The following CCDC149 variants were observed in gnomAD, a reference collection of about 807,000 sequenced individuals.
CCDC149 encodes the protein coiled-coil domain containing 149.
In CCDC149, 45 loss-of-function variants were observed where a neutral mutation model predicts 59.9. The ratio of observed to expected loss-of-function variants is 0.75; its 90% CI spans 0.59 to 0.96. The LOEUF (loss-of-function observed/expected upper bound fraction) is 0.96, where lower values mean the gene tolerates loss of function less well. Among genes scored for constraint, CCDC149 ranks in the 40% least tolerant of loss-of-function variants. The pLI is 0.00. For synonymous variants in CCDC149, 245 were observed against 260.6 expected, an observed-to-expected ratio of 0.94 and a Z score of 0.58; for missense variants, 584 against 664.7, an observed-to-expected ratio of 0.88 and a Z score of 1.33.
At chr4:24,906,618 G>T (rs898999475) in intron 1 of CCDC149, among the ~76,000 whole-genome samples, 1 of 151,796 alleles carries the variant, frequency 6.6e-6, no homozygotes, top group African/African-American at 2.4e-5. Context: ...GGCTGGTCTT[G>T]AACTCCTGAT....
chr4:24,823,960 T>C (rs1330349877), intron 9 of CCDC149, among the ~76,000 whole-genome samples: 1 of 152,258 alleles, frequency 6.6e-6, no homozygotes, highest in Non-Finnish European at 1.5e-5. Flanking sequence ...TTCCATATTT[T>C]GCTCAGACCT....
chr4:24,876,306 C>T (rs915179396), intron 2 of CCDC149, among the ~76,000 whole-genome samples: 41 of 141,042 alleles, frequency 2.9e-4, no homozygotes, highest in Admixed American at 1.6e-3. Context: ...CACACACACA[C>T]ACACACACAC....
At chr4:24,942,631 T>G (rs143724970) in intron 1 of CCDC149, among the ~76,000 whole-genome samples, 2,277 of 152,314 alleles carry the variant, frequency 0.015, 51 homozygotes, top group African/African-American at 0.051. Flanking sequence ...ATGACATGAT[T>G]GTATATCTAG....
At position 24,836,500 on chromosome 4, in the gene CCDC149, TGA is replaced by T; in HGVS notation, c.669_670del (p.Gln224ArgfsTer8). 6.2e-7 allele frequency: 1 copy of T among 1,605,278 alleles called. No individual in the cohort carries two copies. Among genetic ancestry groups the T allele is most frequent in the Non-Finnish European group, 8.5e-7 (1 of 1,172,518 alleles). ...TTCATGGAGTTGCTTTAATCTCTCT[TGA>T]AGGTACCTGAAAAAGAATACATAAA... On this transcript the variant is annotated frameshift_variant, in exon 7 of 13. Transcript: ENST00000635206. LOFTEE classifies it high-confidence loss of function.
intron 2 of CCDC149, among the ~76,000 whole-genome samples, 174 bp downstream of exon 2, chr4:24,876,362 C>T (rs1719440099): frequency 6.7e-6 from 1 of 149,456 alleles, no homozygotes; most frequent in African/African-American, 2.5e-5. Flanking sequence ...GAGAGATTAA[C>T]TTGTGAGTGG....
chr4:24,905,414 CGTGTGTGTGT>C (rs1163234474), intron 1 of CCDC149, among the ~76,000 whole-genome samples: 1 of 78,652 alleles, frequency 1.3e-5, no homozygotes, highest in Non-Finnish European at 2.7e-5. Flanking sequence ...TGCGTGCGTG[CGTGTGTGTGT>C]GTGTGTGTGT....
chr4:24,932,499 T>C (rs1722624486), intron 1 of CCDC149, among the ~76,000 whole-genome samples: 1 of 152,170 alleles, frequency 6.6e-6, no homozygotes, highest in South Asian at 2.1e-4. Context: ...ATTTATATTG[T>C]GTTTGATTTT....
chr4:24,860,182 G>A (rs1232314774), intron 3 of CCDC149, among the ~76,000 whole-genome samples: 1 of 152,142 alleles, frequency 6.6e-6, no homozygotes, highest in African/African-American at 2.4e-5. Flanking sequence ...CACACTACCT[G>A]ACTTCAAACT....
intron 1 of CCDC149, among the ~76,000 whole-genome samples, chr4:24,897,042 C>T (rs190860108): frequency 2.6e-4 from 39 of 152,214 alleles, no homozygotes; most frequent in African/African-American, 9.1e-4. Context: ...CTCCAAGCTG[C>T]AGGCAAGGCA....
intron 3 of CCDC149, among the ~76,000 whole-genome samples, chr4:24,867,275 A>C (rs1467758655): frequency 6.6e-6 from 1 of 152,238 alleles, no homozygotes; most frequent in Non-Finnish European, 1.5e-5. Flanking sequence ...GAACAGGAGG[A>C]AATTGAGTCT....
intron 12 of CCDC149, among the ~76,000 whole-genome samples, chr4:24,812,023 A>G (rs1299999810): frequency 1.3e-5 from 2 of 152,176 alleles, no homozygotes; most frequent in Non-Finnish European, 2.9e-5. Context: ...CTCTGCTGCC[A>G]TGGTCACACT....
intron 9 of CCDC149, among the ~76,000 whole-genome samples, chr4:24,825,511 C>A (rs533123669): frequency 4.6e-5 from 7 of 152,222 alleles, no homozygotes; most frequent in African/African-American, 1.7e-4. Context: ...TGGGGGTTCA[C>A]GCCTGTAATC....
intron 9 of CCDC149, among the ~76,000 whole-genome samples, chr4:24,823,681 T>C (rs886276773): frequency 2.0e-5 from 3 of 152,202 alleles, no homozygotes; most frequent in African/African-American, 7.2e-5. Flanking sequence ...TTTCTACACA[T>C]ATATATGGCT....
chr4:24,875,466 T>A (rs921571153), intron 2 of CCDC149, among the ~76,000 whole-genome samples: 9 of 152,142 alleles, frequency 5.9e-5, no homozygotes, highest in Non-Finnish European at 8.8e-5. Flanking sequence ...TTATTATTTT[T>A]AAAAATAAAT....
Position 24,831,630 on chromosome 4 carries a change from C to T in CCDC149, c.841G>A (p.Asp281Asn). 6.2e-7 allele frequency: 1 copy of T among 1,613,974 alleles called. No individual in the cohort carries two copies. Among genetic ancestry groups the T allele is most frequent in the Admixed American group, 1.7e-5 (1 of 59,990 alleles). ...GTAGCTGGGAGGCTGCATCCATGATCCTCAGATAGCAGATCCTGAACTAGA... is the reference window on the plus strand; with the variant it reads ...GTAGCTGGGAGGCTGCATCCATGATTCTCAGATAGCAGATCCTGAACTAGA... The change falls in exon 9 of 13, where the codon GAT becomes AAT. Residue 281 changes from aspartate to asparagine, a missense_variant. Asp to Asn is a conservative substitution (Grantham distance 23, BLOSUM62 1). Transcript: ENST00000635206.
intron 3 of CCDC149, 36 bp downstream of exon 3, chr4:24,873,645 T>A: frequency 7.0e-7 from 1 of 1,429,022 alleles, no homozygotes; most frequent in Non-Finnish European, 9.9e-7. Flanking sequence ...CTGCTAGGTA[T>A]CAATAAAAAA....
chr4:24,858,109 C>T (rs1718141159), intron 3 of CCDC149, among the ~76,000 whole-genome samples: 1 of 152,170 alleles, frequency 6.6e-6, no homozygotes, highest in Admixed American at 6.5e-5. Context: ...CCAAAAATAA[C>T]ACCCATGACT....
intron 9 of CCDC149, among the ~76,000 whole-genome samples, chr4:24,825,223 G>C (rs1181315714): frequency 6.6e-6 from 1 of 152,194 alleles, no homozygotes. Flanking sequence ...CTAAACGTCT[G>C]GTGGGAGACA....
At chr4:24,917,313 G>C (rs544775859), upstream of CCDC149, among the ~76,000 whole-genome samples, 16 of 152,366 alleles carry the variant, frequency 1.1e-4, no homozygotes, top group African/African-American at 2.6e-4. Flanking sequence ...CAGGCAGCAG[G>C]GGGTGGAAGG....
Sources: allele counts gnomAD v4.1 joint callset (sites outside exome capture counted in the v4.1 genomes callset), GRCh38; gene constraint gnomAD v4.1.1; transcripts MANE v1.5; gene names NCBI Gene and HGNC (gene_info 2026-07-23, HGNC 2026-07-21).